PGBD2: variants seen among roughly 807,000 people sequenced by gnomAD.
PGBD2 encodes the protein piggyBac transposable element-derived protein 2.
A neutral mutation model predicts 8.1 loss-of-function variants in PGBD2; 6 were observed. The ratio of observed to expected loss-of-function variants is 0.74; its 90% CI spans 0.40 to 1.46. The LOEUF is 1.46. Among genes scored for constraint, PGBD2 ranks in the 40% most tolerant of loss-of-function variants. The probability of loss-of-function intolerance (pLI) is 0.02; values close to 1 mark genes in which losing one functional copy is unlikely to be tolerated. For synonymous variants in PGBD2, 318 were observed against 272.2 expected, an observed-to-expected ratio of 1.17 and a Z score of -1.66; for missense variants, 802 against 739.0, an observed-to-expected ratio of 1.09 and a Z score of -0.99.
rs1662228963 is a variant in PGBD2, at chr1:248,919,141, A to C, written c.*778A>C. 6.0e-6 allele frequency: 1 copy of C among 166,962 alleles called. No homozygotes were observed. Among genetic ancestry groups the C allele is most frequent in the Non-Finnish European group, 1.5e-5 (1 of 68,092 alleles). 10.3% of individuals were successfully genotyped at this position (166,962 alleles called of 1,614,324 possible). On this transcript the variant is annotated 3_prime_UTR_variant, in exon 3 of 3. Coordinates refer to ENST00000329291, the MANE Select transcript of PGBD2 (RefSeq NM_170725.3). Reference sequence around the variant, plus strand: ...AAAATGTGCAATTAAATTATTTTTAACTATATTCACCCTGTTGTGCTAGCA... The same window carrying C: ...AAAATGTGCAATTAAATTATTTTTACCTATATTCACCCTGTTGTGCTAGCA...
At chr1:248,915,583 T>G (rs1359158060) in intron 2 of PGBD2, among the ~76,000 whole-genome samples, 1 of 152,228 alleles carries the variant, frequency 6.6e-6, no homozygotes, top group Admixed American at 6.5e-5. Flanking sequence ...TTTTAACTCA[T>G]GATGGGTTTA....
the PGBD2 span, among the ~76,000 whole-genome samples, chr1:248,929,423 A>T: frequency 6.6e-6 from 1 of 152,156 alleles, no homozygotes; most frequent in East Asian, 1.9e-4. Context: ...CTTTTTAGTA[A>T]TCTATTTTGC....
chr1:248,885,358 C>A, the PGBD2 span, among the ~76,000 whole-genome samples: 1 of 150,398 alleles, frequency 6.6e-6, no homozygotes, highest in African/African-American at 2.5e-5. Flanking sequence ...CCAGACTGGT[C>A]TTGAACTCCT....
At chr1:248,873,981 T>C in the PGBD2 span, among the ~76,000 whole-genome samples, 1 of 152,212 alleles carries the variant, frequency 6.6e-6, no homozygotes, top group Non-Finnish European at 1.5e-5. Context: ...ATTAGCATTT[T>C]ATTCCCCGGA....
upstream of PGBD2, among the ~76,000 whole-genome samples, chr1:248,903,750 A>T (rs149246734): frequency 1.4e-3 from 209 of 152,306 alleles, no homozygotes; most frequent in African/African-American, 4.9e-3. Flanking sequence ...AAATATCCTG[A>T]TGGACTAATG....
the PGBD2 span, among the ~76,000 whole-genome samples, chr1:248,876,754 T>C: frequency 2.0e-5 from 3 of 152,346 alleles, no homozygotes; most frequent in South Asian, 4.1e-4. Flanking sequence ...ATTTAAATTG[T>C]ATGGTGTCTC....
the PGBD2 span, among the ~76,000 whole-genome samples, chr1:248,874,944 A>G: frequency 7.1e-6 from 1 of 141,174 alleles, no homozygotes; most frequent in South Asian, 2.1e-4. Flanking sequence ...ATAGATAGAT[A>G]GATAGATAGA....
chr1:248,918,545 A>T lies in PGBD2; in HGVS notation c.*182A>T. On this transcript the variant is annotated 3_prime_UTR_variant, in exon 3 of 3. Transcript: ENST00000329291. The stretch of plus-strand genomic sequence containing the variant: ...TTGTGTTGTGTTATGCCTACATGTG[A>T]TATAAATTAATATTTATATTCATTT... 2.7e-6 allele frequency: 1 copy of T among 370,596 alleles called. No homozygotes were observed. The highest frequency in any genetic ancestry group is 4.9e-6 in the Non-Finnish European group (1 of 204,000). 23.0% of individuals were successfully genotyped at this position (370,596 alleles called of 1,614,324 possible).
At chr1:248,907,106 T>C (rs1661675090) in intron 1 of PGBD2, among the ~76,000 whole-genome samples, 1 of 152,166 alleles carries the variant, frequency 6.6e-6, no homozygotes, top group African/African-American at 2.4e-5. Flanking sequence ...GATTATTGTT[T>C]TCATTATCTC....
At chr1:248,915,183 A>G (rs1406401327) in intron 2 of PGBD2, among the ~76,000 whole-genome samples, 1 of 152,154 alleles carries the variant, frequency 6.6e-6, no homozygotes, top group Non-Finnish European at 1.5e-5. Flanking sequence ...TGACTCCTCC[A>G]ATTAGAACTA....
the PGBD2 span, among the ~76,000 whole-genome samples, chr1:248,881,477 T>C: frequency 6.6e-6 from 1 of 152,266 alleles, no homozygotes; most frequent in Non-Finnish European, 1.5e-5. Flanking sequence ...TTGTTTACCT[T>C]CCCATGTAAA....
At chr1:248,888,587 T>C in the PGBD2 span, among the ~76,000 whole-genome samples, 18 of 152,170 alleles carry the variant, frequency 1.2e-4, no homozygotes, top group Non-Finnish European at 2.1e-4. Context: ...TTTAATGGAG[T>C]TGTTTTTTGC....
At chr1:248,899,888 A>C in the PGBD2 span, among the ~76,000 whole-genome samples, 1 of 151,918 alleles carries the variant, frequency 6.6e-6, no homozygotes, top group Non-Finnish European at 1.5e-5. Flanking sequence ...TAGAAACAAT[A>C]AAGGGGATAT....
the PGBD2 span, among the ~76,000 whole-genome samples, chr1:248,883,589 T>TC: frequency 1.8e-4 from 25 of 135,402 alleles, no homozygotes; most frequent in African/African-American, 5.2e-4. Flanking sequence ...TTTTTCTTTT[T>TC]TTTTTTTTTT....
chr1:248,874,854 C>G, the PGBD2 span, among the ~76,000 whole-genome samples: 1 of 150,952 alleles, frequency 6.6e-6, no homozygotes, highest in African/African-American at 2.5e-5. Context: ...AATATTTTGT[C>G]ACATTCTCTC....
At chr1:248,883,560 C>T in the PGBD2 span, among the ~76,000 whole-genome samples, 1 of 143,536 alleles carries the variant, frequency 7.0e-6, no homozygotes, top group Non-Finnish European at 1.5e-5. Context: ...TCTGTTCACT[C>T]TGCTGATAGT....
At chr1:248,924,417 A>G (rs1662345609), downstream of PGBD2, among the ~76,000 whole-genome samples, 1 of 152,236 alleles carries the variant, frequency 6.6e-6, no homozygotes, top group Non-Finnish European at 1.5e-5. Flanking sequence ...TTGTATCTAC[A>G]GTAGAAGATA....
At chr1:248,893,869 G>C in the PGBD2 span, among the ~76,000 whole-genome samples, 19 of 151,928 alleles carry the variant, frequency 1.3e-4, 1 homozygote, top group Non-Finnish European at 2.8e-4. Flanking sequence ...CAATGTATAA[G>C]GTTTCCCTTT....
chr1:248,929,339 CA>C, the PGBD2 span, among the ~76,000 whole-genome samples: 1 of 152,094 alleles, frequency 6.6e-6, no homozygotes, highest in Non-Finnish European at 1.5e-5. Context: ...ACATTTCCAC[CA>C]CCTTCATTCT....
Sources: allele counts gnomAD v4.1 joint callset (sites outside exome capture counted in the v4.1 genomes callset), GRCh38; gene constraint gnomAD v4.1.1; transcripts MANE v1.5; gene names NCBI Gene and HGNC (gene_info 2026-07-23, HGNC 2026-07-21).